The following LYN variants were observed in gnomAD, a reference collection of about 807,000 sequenced individuals.
LYN encodes the protein tyrosine-protein kinase Lyn.
In LYN, 12 loss-of-function variants were observed where a neutral mutation model predicts 65.0. That is an observed-to-expected ratio of 0.18 (90% confidence interval 0.12 to 0.30). The LOEUF (loss-of-function observed/expected upper bound fraction) is 0.30, where lower values mean the gene tolerates loss of function less well. LYN is among the 10% of genes least tolerant of loss of function. The pLI is 1.00. For missense variants in LYN, 380 were observed against 623.2 expected (o/e 0.61, Z 4.16); for synonymous variants, 222 against 221.2 (o/e 1.00, Z -0.03).
chr8:55,920,962 G>T (rs1805931822), intron 1 of LYN, among the ~76,000 whole-genome samples: 1 of 152,138 alleles, frequency 6.6e-6, no homozygotes, highest in African/African-American at 2.4e-5. Flanking sequence ...CTCCCAAAGT[G>T]CTGGGATTAC....
Position 55,927,179 on chromosome 8 carries a change from G to T in LYN, c.-5-14676G>T, listed in dbSNP as rs191705533. Among the ~76,000 whole-genome samples, 341 of 152,286 alleles carry T rather than the reference G, an allele frequency of 2.2e-3. 1 individual carries two copies. Among genetic ancestry groups the T allele is most frequent in the African/African-American group, 7.8e-3 (324 of 41,552 alleles). On this transcript the variant is annotated intron_variant, in intron 1 of 12. Transcript: ENST00000519728. The stretch of plus-strand genomic sequence containing the variant: ...GATTTTGACAAGTGTATAATGACAT[G>T]TATTCACCATTACAGTCATATAGAA...
intron 1 of LYN, among the ~76,000 whole-genome samples, chr8:55,937,156 T>G (rs1469341823): frequency 1.3e-5 from 2 of 152,208 alleles, no homozygotes; most frequent in Non-Finnish European, 2.9e-5. Flanking sequence ...TCTTTAGGAA[T>G]TTCAATACAA....
At chr8:55,968,688 G>A (rs1807527033) in intron 9 of LYN, among the ~76,000 whole-genome samples, 1 of 152,220 alleles carries the variant, frequency 6.6e-6, no homozygotes, top group Non-Finnish European at 1.5e-5. Context: ...AGATGAGATA[G>A]CATAACGTTT....
At chr8:55,983,407 A>T (rs564004144) in intron 10 of LYN, among the ~76,000 whole-genome samples, 12 of 152,228 alleles carry the variant, frequency 7.9e-5, no homozygotes, top group African/African-American at 2.6e-4. Context: ...TGCACTTCCC[A>T]TAGGAATCAA....
chr8:55,922,424 C>G (rs1465000526), intron 1 of LYN, among the ~76,000 whole-genome samples: 1 of 151,080 alleles, frequency 6.6e-6, no homozygotes, highest in Non-Finnish European at 1.5e-5. Flanking sequence ...TCTATGTGTG[C>G]CAGTGTATTA....
intron 1 of LYN, among the ~76,000 whole-genome samples, chr8:55,922,052 A>G (rs897498706): frequency 6.6e-6 from 1 of 152,098 alleles, no homozygotes; most frequent in Non-Finnish European, 1.5e-5. Flanking sequence ...TAAGGAAAGG[A>G]GTGGGTGGAG....
At chr8:56,004,294 C>CTTTTT (rs377562431) in intron 12 of LYN, among the ~76,000 whole-genome samples, 2 of 125,264 alleles carry the variant, frequency 1.6e-5, no homozygotes, top group Admixed American at 8.4e-5. Context: ...GAAAGACTTC[C>CTTTTT]TTTTTTTTTT....
At chr8:56,000,114 C>T (rs571847188) in intron 12 of LYN, among the ~76,000 whole-genome samples, 1 of 152,188 alleles carries the variant, frequency 6.6e-6, no homozygotes, top group East Asian at 1.9e-4. Flanking sequence ...TAGAATGTTC[C>T]GGGCATGGTT....
intron 4 of LYN, 57 bp downstream of exon 4, chr8:55,947,780 AGG>A (rs1464248123): frequency 8.4e-7 from 1 of 1,194,542 alleles, no homozygotes; most frequent in African/African-American, 1.5e-5. Flanking sequence ...TGAGTCCTGC[AGG>A]CTGTCCCCTT....
At chr8:55,940,065 G>A (rs1290768172) in intron 1 of LYN, among the ~76,000 whole-genome samples, 2 of 152,212 alleles carry the variant, frequency 1.3e-5, no homozygotes, top group Non-Finnish European at 2.9e-5. Flanking sequence ...GCCTGGACGC[G>A]TGGCAGCGAT....
chr8:55,970,992 A>T (rs1202289718), intron 10 of LYN, among the ~76,000 whole-genome samples: 1 of 152,218 alleles, frequency 6.6e-6, no homozygotes, highest in African/African-American at 2.4e-5. Flanking sequence ...TGCTGGTGGA[A>T]GCTGGGAAAA....
At chr8:55,923,746 G>T (rs1239435711) in intron 1 of LYN, among the ~76,000 whole-genome samples, 2 of 151,930 alleles carry the variant, frequency 1.3e-5, no homozygotes, top group African/African-American at 4.8e-5. Context: ...CACCATGTTG[G>T]CCAGGCTGGT....
chr8:55,927,169 A>G (rs187848946), intron 1 of LYN, among the ~76,000 whole-genome samples: 16 of 152,362 alleles, frequency 1.1e-4, no homozygotes, highest in Admixed American at 9.8e-4. Context: ...TGACAAGTGT[A>G]TAATGACATG....
At chr8:56,009,487 G>C (rs1392193115) in intron 12 of LYN, among the ~76,000 whole-genome samples, 1 of 152,148 alleles carries the variant, frequency 6.6e-6, no homozygotes, top group Non-Finnish European at 1.5e-5. Flanking sequence ...AAAGTCCAAG[G>C]TCAAGGTGCT....
chr8:55,890,709 G>A (rs1804932191), intron 1 of LYN, among the ~76,000 whole-genome samples: 3 of 148,392 alleles, frequency 2.0e-5, no homozygotes, highest in South Asian at 4.3e-4. Flanking sequence ...ATAAAATGTG[G>A]TTTATATGTA....
intron 12 of LYN, 59 bp from the exon 13 acceptor site, chr8:56,009,849 C>A: frequency 7.1e-7 from 1 of 1,411,410 alleles, no homozygotes; most frequent in Non-Finnish European, 1.0e-6. Flanking sequence ...AGTGCTTGAC[C>A]CTCTGCCAGG....
intron 12 of LYN, among the ~76,000 whole-genome samples, chr8:56,004,914 AGCTAGGACTACAGGC>A (rs1222366448): frequency 1.3e-5 from 2 of 152,066 alleles, no homozygotes; most frequent in African/African-American, 4.8e-5. Flanking sequence ...CCTCCTGAGT[AGCTAGGACTACAGGC>A]GCATGCCACC....
chr8:55,991,050 C>G (rs555086205), intron 10 of LYN, among the ~76,000 whole-genome samples: 1 of 152,082 alleles, frequency 6.6e-6, no homozygotes, highest in Non-Finnish European at 1.5e-5. Flanking sequence ...AGAGACACGC[C>G]GGCAGTACTA....
intron 1 of LYN, among the ~76,000 whole-genome samples, chr8:55,926,204 C>T (rs1806106536): frequency 6.6e-6 from 1 of 152,228 alleles, no homozygotes; most frequent in Non-Finnish European, 1.5e-5. Flanking sequence ...CCAGATCCAA[C>T]CACTTCCTTA....
Sources: gnomAD v4.1 joint callset for allele counts (sites outside exome capture counted in the v4.1 genomes callset) on GRCh38, gnomAD v4.1.1 for gene constraint, MANE v1.5 for transcripts, NCBI Gene and HGNC (gene_info 2026-07-23, HGNC 2026-07-21) for gene names.